The following ATE1 variants were observed in gnomAD, a reference collection of about 807,000 sequenced individuals.
ATE1 encodes the protein arginyl-tRNA--protein transferase 1.
A neutral mutation model predicts 70.5 loss-of-function variants in ATE1; 36 were observed. The ratio of observed to expected loss-of-function variants is 0.51; its 90% CI spans 0.39 to 0.67. The LOEUF is 0.67. Among genes scored for constraint, ATE1 ranks in the 30% least tolerant of loss-of-function variants. ATE1 has a pLI of 0.00. For missense variants in ATE1, 593 were observed against 629.5 expected, an observed-to-expected ratio of 0.94 and a Z score of 0.62; for synonymous variants, 232 against 219.3, an observed-to-expected ratio of 1.06 and a Z score of -0.51.
rs549412063 is a variant in ATE1 at position 121,886,411 on chromosome 10, G to A, written c.942+13455C>T. On this transcript the variant is annotated intron_variant, in intron 7 of 11. Coordinates refer to ENST00000224652, the MANE Select transcript of ATE1 (RefSeq NM_001001976.3). ...TCCAGTTTCCTCCCACATCTCACAC[G>A]TGTGCACGTTAGGTTCACTGCTGTG... Among the ~76,000 whole-genome samples the A allele has an allele frequency of 1.1e-4, 17 of 151,878 alleles. No individual in the cohort carries two copies. In the East Asian group the frequency reaches 2.5e-3, roughly 23 times the overall value.
chr10:121,776,463 A>T (rs745397292), intron 11 of ATE1, among the ~76,000 whole-genome samples: 4 of 152,232 alleles, frequency 2.6e-5, no homozygotes, highest in Non-Finnish European at 5.9e-5. Context: ...TGACCAATAC[A>T]TATTAATCAC....
chr10:121,921,041 T>G (rs1209316448), intron 3 of ATE1, among the ~76,000 whole-genome samples: 1 of 151,988 alleles, frequency 6.6e-6, no homozygotes, highest in South Asian at 2.1e-4. Flanking sequence ...AGTGGCAGAT[T>G]AAATTTAAGC....
intron 11 of ATE1, among the ~76,000 whole-genome samples, chr10:121,777,311 A>G (rs188458581): frequency 6.6e-6 from 1 of 152,230 alleles, no homozygotes; most frequent in Non-Finnish European, 1.5e-5. Context: ...GAATAGAACA[A>G]TTTTGGAAGC....
At position 121,743,648 on chromosome 10, in the gene ATE1, A is replaced by C; in HGVS notation, c.*32T>G. ...GTATCCTGGCACAAATCATCAGCAC[A>C]ACACAGGAACTTCCCGGCAGAGGTG... On this transcript the variant is annotated 3_prime_UTR_variant, in exon 12 of 12. Coordinates refer to ENST00000224652, the MANE Select transcript of ATE1 (RefSeq NM_001001976.3). The C allele has an allele frequency of 1.9e-6, 3 of 1,563,948 alleles. No homozygotes were observed. The highest frequency in any genetic ancestry group is 1.7e-6 in the Non-Finnish European group (2 of 1,157,008).
intron 10 of ATE1, among the ~76,000 whole-genome samples, chr10:121,829,414 C>T (rs1295832957): frequency 2.0e-5 from 3 of 147,564 alleles, no homozygotes; most frequent in Non-Finnish European, 4.5e-5. Flanking sequence ...CAGAGCAAGA[C>T]TTTGTCACAA....
rs142037473 is a variant in ATE1 at position 121,808,605 on chromosome 10, A to C, written c.1258-18316T>G. On this transcript the variant is annotated intron_variant, in intron 10 of 11. Coordinates refer to ENST00000224652, the MANE Select transcript of ATE1 (RefSeq NM_001001976.3). The stretch of plus-strand genomic sequence containing the variant: ...CCACTTGTTAGACCTATTAATCACA[A>C]CTTGCTTGATATCTTCAACTATAAA... Among the ~76,000 whole-genome samples, 400 of 152,352 alleles carry C rather than the reference A, an allele frequency of 2.6e-3. 2 individuals are homozygous for C. Among genetic ancestry groups the C allele is most frequent in the Non-Finnish European group, 4.8e-3 (325 of 68,036 alleles).
At chr10:121,924,798 G>A (rs1952022895) in intron 1 of ATE1, among the ~76,000 whole-genome samples, 1 of 151,848 alleles carries the variant, frequency 6.6e-6, no homozygotes, top group South Asian at 2.1e-4. Context: ...TGTTAGTTGG[G>A]CATACACACA....
At chr10:121,901,638 T>TAG (rs1950985848) in intron 6 of ATE1, among the ~76,000 whole-genome samples, 1 of 152,072 alleles carries the variant, frequency 6.6e-6, no homozygotes, top group Non-Finnish European at 1.5e-5. Flanking sequence ...TATATTTTAG[T>TAG]AGAGACGGGG....
chr10:121,834,666 G>C lies in ATE1; in HGVS notation c.1257+2052C>G, dbSNP rs543890057. On this transcript the variant is annotated intron_variant, in intron 10 of 11. Coordinates refer to ENST00000224652, the MANE Select transcript of ATE1 (RefSeq NM_001001976.3). ...TGTCAGCAAAACATCTTCATGAAGA[G>C]GAAAAGGATGATGAAACTATATTCA... Among the ~76,000 whole-genome samples the C allele has an allele frequency of 3.9e-5, 6 of 151,950 alleles. No individual in the cohort carries two copies. The East Asian group carries it at 1.2e-3, about 29-fold the overall frequency.
chr10:121,926,965 C>T (rs1952117515), intron 1 of ATE1: 2 of 985,276 alleles, frequency 2.0e-6, no homozygotes, highest in South Asian at 9.4e-5. Context: ...ATGCACACAC[C>T]GTTATCGACC....
intron 8 of ATE1, among the ~76,000 whole-genome samples, chr10:121,866,828 C>CA (rs1316590446): frequency 9.8e-5 from 13 of 132,016 alleles, no homozygotes; most frequent in African/African-American, 3.4e-4. Flanking sequence ...GCCTGGGTGA[C>CA]AGAGTAAGAC....
intron 11 of ATE1, among the ~76,000 whole-genome samples, chr10:121,766,415 G>T (rs1945279843): frequency 6.6e-6 from 1 of 152,040 alleles, no homozygotes; most frequent in African/African-American, 2.4e-5. Flanking sequence ...GGAAACTCAG[G>T]ACATTATATA....
chr10:121,792,638 A>G (rs2133299282), intron 10 of ATE1, among the ~76,000 whole-genome samples: 1 of 152,326 alleles, frequency 6.6e-6, no homozygotes, highest in Non-Finnish European at 1.5e-5. Context: ...TTTCACTGCT[A>G]TCTATCTTAT....
rs1042572040 is a variant in ATE1 at position 121,742,124 on chromosome 10, C to T, written c.*1556G>A. On this transcript the variant is annotated 3_prime_UTR_variant, in exon 12 of 12. Transcript: ENST00000224652. ...TCAGAGAAAATGGCTTTGCTCACTACTCTAGCTCGGTTAGCAGAGTACGCA... is the reference window on the plus strand; with the variant it reads ...TCAGAGAAAATGGCTTTGCTCACTATTCTAGCTCGGTTAGCAGAGTACGCA... 10 of 152,212 alleles carry T rather than the reference C, an allele frequency of 6.6e-5. No individual in the cohort carries two copies. Among genetic ancestry groups the T allele is most frequent in the African/African-American group, 2.2e-4 (9 of 41,462 alleles). 9.4% of individuals were successfully genotyped at this position (152,212 alleles called of 1,614,324 possible).
rs375895214 is a variant in ATE1, at chr10:121,814,167, C to T, written c.1257+22551G>A. Among the ~76,000 whole-genome samples the T allele has an allele frequency of 5.3e-5, 8 of 152,218 alleles. No individual in the cohort carries two copies. The East Asian group carries it at 1.2e-3, about 22-fold the overall frequency. ...ACTATATACACAAATGCACACCTCT[C>T]AATTGACTAAATAATGTCTGAAGGA... On this transcript the variant is annotated intron_variant, in intron 10 of 11. Coordinates refer to ENST00000224652, the MANE Select transcript of ATE1 (RefSeq NM_001001976.3).
intron 8 of ATE1, among the ~76,000 whole-genome samples, chr10:121,858,399 G>C (rs1278780723): frequency 6.6e-6 from 1 of 151,198 alleles, no homozygotes; most frequent in African/African-American, 2.4e-5. Flanking sequence ...ATCTCATTTT[G>C]GTTTTGATTT....
At chr10:121,870,494 A>AGAGGAAAGACC (rs1949815888) in intron 7 of ATE1, among the ~76,000 whole-genome samples, 1 of 80,678 alleles carries the variant, frequency 1.2e-5, no homozygotes, top group Non-Finnish European at 3.5e-5. Flanking sequence ...GGAAAGACCA[A>AGAGGAAAGACC]GAGAGAGGTC....
intron 7 of ATE1, among the ~76,000 whole-genome samples, chr10:121,873,827 C>T (rs1051429730): frequency 2.0e-5 from 3 of 152,030 alleles, no homozygotes; most frequent in Non-Finnish European, 4.4e-5. Context: ...AAATTCCTAT[C>T]TTTTAAAGAA....
intron 11 of ATE1, among the ~76,000 whole-genome samples, chr10:121,775,995 T>C (rs1390299066): frequency 6.6e-6 from 1 of 152,234 alleles, no homozygotes; most frequent in Non-Finnish European, 1.5e-5. Flanking sequence ...AAAAAGTTGC[T>C]TGTGCACACA....
Sources: gnomAD v4.1 joint callset for allele counts (sites outside exome capture counted in the v4.1 genomes callset) on GRCh38, gnomAD v4.1.1 for gene constraint, MANE v1.5 for transcripts, NCBI Gene and HGNC (gene_info 2026-07-23, HGNC 2026-07-21) for gene names.